The following USP54 variants were observed in gnomAD, a reference collection of about 807,000 sequenced individuals.
The protein encoded by USP54 is ubiquitin carboxyl-terminal hydrolase 54.
USP54 carries 87 observed loss-of-function variants against 170.5 expected under a neutral mutation model. The ratio of observed to expected loss-of-function variants is 0.51; its 90% CI spans 0.43 to 0.61. The LOEUF (loss-of-function observed/expected upper bound fraction) is 0.61, where lower values mean the gene tolerates loss of function less well. USP54 is among the 20% of genes least tolerant of loss of function. The pLI, the probability that USP54 is intolerant of heterozygous loss-of-function variation, is 0.00. For missense variants in USP54, 1,786 were observed against 2,047.8 expected, an observed-to-expected ratio of 0.87 and a Z score of 2.47; for synonymous variants, 655 against 742.8, an observed-to-expected ratio of 0.88 and a Z score of 1.92.
chr10:73,594,573 T>C (rs2078570753), upstream of USP54, among the ~76,000 whole-genome samples: 1 of 151,938 alleles, frequency 6.6e-6, no homozygotes, highest in South Asian at 2.1e-4. Context: ...CCCAGCTAAT[T>C]TTTTAAAGAT....
chr10:73,504,710 C>T (rs2058782081), intron 22 of USP54, 140 bp downstream of exon 22: 8 of 1,063,536 alleles, frequency 7.5e-6, no homozygotes, highest in South Asian at 3.2e-5. Flanking sequence ...ATAATGACTG[C>T]GTGTCCTTAT....
chr10:73,547,599 C>A (rs1441275596), intron 4 of USP54, among the ~76,000 whole-genome samples: 4 of 152,154 alleles, frequency 2.6e-5, no homozygotes, highest in South Asian at 2.1e-4. Context: ...ACAATCTGAT[C>A]TTTGACAAAC....
At chr10:73,558,744 G>C (rs973458347) in intron 4 of USP54, among the ~76,000 whole-genome samples, 2 of 152,138 alleles carry the variant, frequency 1.3e-5, no homozygotes, top group Non-Finnish European at 2.9e-5. Context: ...GCTGACTCTT[G>C]AACAACTCAG....
chr10:73,555,845 T>G (rs1356742022), intron 4 of USP54, among the ~76,000 whole-genome samples: 1 of 152,170 alleles, frequency 6.6e-6, no homozygotes, highest in African/African-American at 2.4e-5. Context: ...ATCATGATGA[T>G]TCACTACATG....
At chr10:73,542,940 G>T (rs2066936264) in intron 6 of USP54, 55 bp from the exon 7 acceptor site, 1 of 1,611,212 alleles carries the variant, frequency 6.2e-7, no homozygotes, top group African/African-American at 1.3e-5. Flanking sequence ...AACTGTTTTG[G>T]CACCCATTTA....
chr10:73,522,148 A>G (rs986099851), intron 17 of USP54, among the ~76,000 whole-genome samples: 1 of 152,326 alleles, frequency 6.6e-6, no homozygotes. Flanking sequence ...TTTGAGAGCA[A>G]TGGGAAGACA....
chr10:73,543,644 G>GC (rs1329698550), intron 5 of USP54, among the ~76,000 whole-genome samples: 1 of 152,196 alleles, frequency 6.6e-6, no homozygotes, highest in African/African-American at 2.4e-5. Context: ...GGGATTACAG[G>GC]CGTGAGCCAC....
chr10:73,507,214 A>G (rs2133191616), intron 20 of USP54: 1 of 151,922 alleles, frequency 6.6e-6, no homozygotes, highest in Non-Finnish European at 1.5e-5. Flanking sequence ...CTAGATAATT[A>G]CCTGGGGAAG....
intron 3 of USP54, among the ~76,000 whole-genome samples, chr10:73,574,479 T>C (rs2075786951): frequency 6.6e-6 from 1 of 152,082 alleles, no homozygotes; most frequent in Non-Finnish European, 1.5e-5. Context: ...ATAACACACC[T>C]TACTCCCGAA....
chr10:73,529,842 G>A lies in USP54; in HGVS notation c.1898C>T (p.Pro633Leu). 1 of 1,584,134 alleles carries A rather than the reference G, an allele frequency of 6.3e-7. No individual in the cohort carries two copies. Among genetic ancestry groups the A allele is most frequent in the Non-Finnish European group, 8.6e-7 (1 of 1,166,736 alleles). Residue 633 changes from proline (P) to leucine (L), a missense_variant, in exon 15 of 24, where the codon CCC becomes CTC. Pro to Leu is a moderately conservative substitution (Grantham distance 98). This residue lies in a region of USP54 where 1,418 missense variants were observed against 1,569.0 expected (regional missense o/e 0.90). Coordinates refer to ENST00000687698, the MANE Select transcript of USP54 (RefSeq NM_001391956.1). ...SYDIKFGGPS[P>L]QYKRWGPARP... ...TGCTGGGCCCCAGCGCTTGTACTGG[G>A]GGCTTGGTCCACCAAATTTAATGTC...
At chr10:73,624,198 A>ATATATATTTTTTTTTTTTT (rs1554955712) in intron 1 of USP54, among the ~76,000 whole-genome samples, 2 of 102,494 alleles carry the variant, frequency 2.0e-5, no homozygotes, top group Non-Finnish European at 3.8e-5. Flanking sequence ...ATATATATGT[A>ATATATATTTTTTTTTTTTT]TTTTTTTTTT....
rs58662799 is a variant in USP54 at position 73,498,299 on chromosome 10, T to G, written c.*330A>C. On this transcript the variant is annotated 3_prime_UTR_variant, in exon 24 of 24. Transcript: ENST00000687698. ...TGTTGTTTTGTTTTGTTTTTTGAGATGGAGTCTCACTCTATTGCCAAGCTG... is the reference window on the plus strand; with the variant it reads ...TGTTGTTTTGTTTTGTTTTTTGAGAGGGAGTCTCACTCTATTGCCAAGCTG... The G allele has an allele frequency of 0.027, 4,640 of 173,112 alleles. 238 individuals carry two copies. Among genetic ancestry groups the G allele is most frequent in the African/African-American group, 0.1 (4,255 of 42,086 alleles). 10.7% of individuals were successfully genotyped at this position (173,112 alleles called of 1,614,324 possible).
rs1455652409 is a variant in USP54 at position 73,559,494 on chromosome 10, AG to A, written c.240+11926del. On this transcript the variant is annotated intron_variant, in intron 4 of 23. Coordinates refer to ENST00000687698, the MANE Select transcript of USP54 (RefSeq NM_001391956.1). ...AGAATCACTTGAACCTGGGAGGTGGAGGTTGCGATGAGCCTAGATTGCGCCA... is the reference window on the plus strand; with the variant it reads ...AGAATCACTTGAACCTGGGAGGTGGAGTTGCGATGAGCCTAGATTGCGCCA... 4.7e-5 allele frequency among the ~76,000 whole-genome samples: 7 copies of A among 149,418 alleles called. No individual in the cohort carries two copies. The East Asian group carries it at 1.4e-3, about 30-fold the overall frequency.
At chr10:73,539,637 C>CCATTCCACATCA in intron 9 of USP54, 44 bp from the exon 10 acceptor site, 1 of 1,550,124 alleles carries the variant, frequency 6.5e-7, no homozygotes, top group African/African-American at 1.3e-5. Context: ...ACATATTCAA[C>CCATTCCACATCA]CATTCCACAT....
intron 1 of USP54, chr10:73,606,269 A>G (rs570339384): frequency 1.7e-4 from 26 of 152,090 alleles, no homozygotes; most frequent in African/African-American, 6.0e-4. Context: ...CTGTACACTT[A>G]AAATGGTTAA....
chr10:73,514,548 G>A (rs2133264736), intron 20 of USP54, among the ~76,000 whole-genome samples: 1 of 149,364 alleles, frequency 6.7e-6, no homozygotes, highest in South Asian at 2.2e-4. Flanking sequence ...GGGCAACAGA[G>A]CGAGACTCTG....
In USP54 at chr10:73,516,640, G is replaced by A. The variant is rs879364010; in HGVS notation, c.3786C>T (p.Ser1262=). Residue 1262 remains serine, a synonymous_variant, in exon 20 of 24, where the codon TCC becomes TCT. Coordinates refer to ENST00000687698, the MANE Select transcript of USP54 (RefSeq NM_001391956.1). ...CACAGAACCTTGTGATATTCACCCA[G>A]GAATCCAAAGGCAAGGAAGTCCCCA... ...TDLGTSLPLD[S]WVNITRFCDS... The A allele has an allele frequency of 3.1e-6, 5 of 1,614,186 alleles. No homozygotes were observed. The highest frequency in any genetic ancestry group is 3.3e-5 in the Admixed American group (2 of 60,026).
chr10:73,560,031 C>A (rs1001039051), intron 4 of USP54, among the ~76,000 whole-genome samples: 3 of 151,428 alleles, frequency 2.0e-5, no homozygotes, highest in Admixed American at 6.6e-5. Flanking sequence ...GGTGACAAAG[C>A]GACCCCATTT....
chr10:73,625,690 C>T (rs2081480846), upstream of USP54: 2 of 153,222 alleles, frequency 1.3e-5, no homozygotes, highest in Non-Finnish European at 2.9e-5. Flanking sequence ...CGCTCCAGCC[C>T]GCGCCCCCTG....
Sources: allele counts gnomAD v4.1 joint callset (sites outside exome capture counted in the v4.1 genomes callset), GRCh38; gene constraint gnomAD v4.1.1; regional missense constraint gnomAD v4.1.1; transcripts MANE v1.5; gene names NCBI Gene and HGNC (gene_info 2026-07-23, HGNC 2026-07-21).